Variants in MME observed in about 807,000 individuals in gnomAD.
MME encodes the protein neprilysin.
In MME, 98 loss-of-function variants were observed where a neutral mutation model predicts 113.2. The observed-to-expected ratio is 0.87, with a 90% CI of 0.74 to 1.02. The LOEUF is 1.02. Among genes scored for constraint, MME ranks in the 50% least tolerant of loss-of-function variants. The pLI, the probability that MME is intolerant of heterozygous loss-of-function variation, is 0.00. For synonymous variants in MME, 292 were observed against 300.6 expected (o/e 0.97, Z 0.30); for missense variants, 836 against 896.0 (o/e 0.93, Z 0.86).
At chr3:155,137,439 G>A (rs1720718446) in intron 8 of MME, among the ~76,000 whole-genome samples, 1 of 152,220 alleles carries the variant, frequency 6.6e-6, no homozygotes, top group Admixed American at 6.5e-5. Flanking sequence ...GAGCATGGTG[G>A]CTCACGCCTG....
intron 3 of MME, among the ~76,000 whole-genome samples, chr3:155,111,624 CAG>C (rs1423106904): frequency 1.3e-5 from 2 of 152,106 alleles, no homozygotes; most frequent in Admixed American, 6.6e-5. Context: ...CCTTTTTATT[CAG>C]AGTGTTTAAG....
At chr3:155,070,971 T>G (rs1248392829) in intron 1 of MME, among the ~76,000 whole-genome samples, 1 of 152,014 alleles carries the variant, frequency 6.6e-6, no homozygotes, top group Non-Finnish European at 1.5e-5. Flanking sequence ...GCCCCCAGAG[T>G]CAGGGCCACA....
In MME at chr3:155,147,148, T is replaced by C; in HGVS notation, c.1421T>C (p.Leu474Ser). 1 of 1,589,172 alleles carries C rather than the reference T, an allele frequency of 6.3e-7. No individual in the cohort carries two copies. Among genetic ancestry groups the C allele is most frequent in the South Asian group, 1.1e-5 (1 of 90,542 alleles). The stretch of plus-strand genomic sequence containing the variant: ...TCAATATTATAATTTTCATAGGCCT[T>C]AGCAATTAAAGAAAGGATCGGCTAT... ...ETKKRAEEKA[L>S]AIKERIGYPD... Residue 474 changes from leucine (L) to serine (S), a missense_variant, in exon 15 of 23, where the codon TTA becomes TCA. Physicochemically the swap from Leu to Ser is moderately radical, Grantham distance 145. Coordinates refer to ENST00000360490, the MANE Select transcript of MME (RefSeq NM_007289.4).
At chr3:155,086,996 T>G (rs537760229) in intron 3 of MME, among the ~76,000 whole-genome samples, 1,904 of 65,704 alleles carry the variant, frequency 0.029, 45 homozygotes, top group African/African-American at 0.093. Flanking sequence ...GTTTTTTTTG[T>G]TTTTTTTTGT....
At position 155,116,977 on chromosome 3, in the gene MME, T is replaced by C. The variant is rs768895540; in HGVS notation, c.645T>C (p.His215=). Residue 215 remains histidine (H), a synonymous_variant, in exon 7 of 23, where the codon CAT becomes CAC. Coordinates refer to ENST00000360490, the MANE Select transcript of MME (RefSeq NM_007289.4). ...CTGATGATAAGAATTCTGTGAATCA[T>C]GTAATTCATGTAAGTTTGTGTGTCA... ...VGTDDKNSVN[H]VIHIDQPRLG... is the part of the protein sequence containing the mutation. 25 of 1,529,356 alleles carry C rather than the reference T, an allele frequency of 1.6e-5. No individual in the cohort carries two copies. The highest frequency in any genetic ancestry group is 2.3e-5 in the Non-Finnish European group (25 of 1,103,826). The allele number at this position is 1,529,356 out of a possible 1,614,324, so 94.7% of individuals were successfully genotyped here. A position where few individuals can be genotyped will look rare whatever the true frequency, so the allele number is the denominator to read the frequency against.
At position 155,172,540 on chromosome 3, in the gene MME, G is replaced by A; in HGVS notation, c.2081G>A (p.Trp694Ter). 1 of 1,610,284 alleles carries A rather than the reference G, an allele frequency of 6.2e-7. No homozygotes were observed. The highest frequency in any genetic ancestry group is 8.5e-7 in the Non-Finnish European group (1 of 1,176,776). ...QLFFLNFAQV[W>*]CGTYRPEYAV... ...TTTTCCTATTCCTATCTCTAGGTGT[G>A]GTGTGGAACCTATAGGCCAGAGTAT... Residue 694 changes from tryptophan to a stop codon, truncating the protein, a stop_gained, in exon 22 of 23, where the codon TGG becomes TAG. Coordinates refer to ENST00000360490, the MANE Select transcript of MME (RefSeq NM_007289.4). LOFTEE classifies it high-confidence loss of function.
At chr3:155,104,349 A>G (rs912648031) in intron 3 of MME, among the ~76,000 whole-genome samples, 2 of 152,214 alleles carry the variant, frequency 1.3e-5, no homozygotes, top group Non-Finnish European at 2.9e-5. Flanking sequence ...CGTAAAAAAT[A>G]TAAACATATG....
chr3:155,117,126 T>C (rs1718690765), intron 7 of MME, 140 bp downstream of exon 7: 1 of 655,614 alleles, frequency 1.5e-6, no homozygotes, highest in African/African-American at 1.8e-5. Context: ...CCATGCTCTG[T>C]CCCTAATACC....
At position 155,160,484 on chromosome 3, in the gene MME, T is replaced by C. The variant is rs55662353; in HGVS notation, c.1660+36T>C. On this transcript the variant is annotated intron_variant, in intron 17 of 22. Coordinates refer to ENST00000360490, the MANE Select transcript of MME (RefSeq NM_007289.4). ...TTCTTAAATAATTATTTAATATTTC[T>C]CTATCGTTCCCAACCTGTAGTGCAT... 1.2e-3 allele frequency: 1,733 copies of C among 1,413,526 alleles called. 19 individuals carry two copies. The African/African-American group carries it at 0.022, about 18-fold the overall frequency. 87.6% of individuals were successfully genotyped at this position (1,413,526 alleles called of 1,614,324 possible).
At chr3:155,045,424 A>C (rs756319299) in intron 1 of MME, among the ~76,000 whole-genome samples, 16 of 152,060 alleles carry the variant, frequency 1.1e-4, no homozygotes, top group Non-Finnish European at 1.9e-4. Flanking sequence ...CTGGGATTAC[A>C]GGTGTGAGCC....
rs573473870 is a variant in MME, at chr3:155,063,864, C to T, written c.-10-20294C>T. ...CTGTTATGAACTGAACTGTTTTGCC[C>T]TCAAATTCATATGTTGAAGCCCTAA... On this transcript the variant is annotated intron_variant, in intron 1 of 22. Transcript: ENST00000492661. 2.0e-5 allele frequency among the ~76,000 whole-genome samples: 3 copies of T among 150,906 alleles called. No homozygotes were observed. In the East Asian group the frequency reaches 5.8e-4, roughly 29 times the overall value.
In MME at chr3:155,084,328, G is replaced by T; in HGVS notation, c.160+1G>T. 9 of 1,614,070 alleles carry T rather than the reference G, an allele frequency of 5.6e-6. No homozygotes were observed. The highest frequency in any genetic ancestry group is 7.6e-6 in the Non-Finnish European group (9 of 1,179,986). Reference sequence around the variant, plus strand: ...ATCGCACTCTATGCAACCTACGATGGTGAGTTACTCCCACACCTGTGCATC... The same window carrying T: ...ATCGCACTCTATGCAACCTACGATGTTGAGTTACTCCCACACCTGTGCATC... On this transcript the variant is annotated splice_donor_variant, in intron 2 of 22. Coordinates refer to ENST00000360490, the MANE Select transcript of MME (RefSeq NM_007289.4). LOFTEE classifies it high-confidence loss of function.
intron 3 of MME, among the ~76,000 whole-genome samples, chr3:155,111,518 T>G (rs1199870984): frequency 6.6e-6 from 1 of 152,222 alleles, no homozygotes; most frequent in East Asian, 1.9e-4. Context: ...GTAATTTAAC[T>G]GTACTTTTTG....
chr3:155,026,916 A>G (rs917769722), intron 1 of MME, among the ~76,000 whole-genome samples: 1 of 152,216 alleles, frequency 6.6e-6, no homozygotes, highest in African/African-American at 2.4e-5. Context: ...ACAAGAGTTT[A>G]CAATAGATTT....
At chr3:155,094,191 A>G (rs772256382) in intron 3 of MME, among the ~76,000 whole-genome samples, 6 of 152,220 alleles carry the variant, frequency 3.9e-5, no homozygotes, top group Non-Finnish European at 8.8e-5. Flanking sequence ...TTGGAAGCTT[A>G]CTGCTTCTTT....
At chr3:155,085,324 A>G (rs1167757890) in intron 3 of MME, 1 of 360,626 alleles carries the variant, frequency 2.8e-6, no homozygotes, top group East Asian at 4.5e-5. Context: ...ATAGCAGGGC[A>G]ATAGAAAACT....
upstream of MME, among the ~76,000 whole-genome samples, chr3:155,076,483 C>T (rs1479449122): frequency 6.6e-6 from 1 of 152,182 alleles, no homozygotes; most frequent in Non-Finnish European, 1.5e-5. Context: ...CTGTTTTCAG[C>T]ACTCACATAT....
At chr3:155,179,864 G>A (rs922075150) in intron 22 of MME, among the ~76,000 whole-genome samples, 8 of 152,016 alleles carry the variant, frequency 5.3e-5, no homozygotes, top group African/African-American at 1.9e-4. Flanking sequence ...CTCTATAAAA[G>A]CAACAAAAAA....
At position 155,116,693 on chromosome 3, in the gene MME, CT is replaced by C; in HGVS notation, c.470del (p.Leu157HisfsTer13). ...SAIDSRGGEPLLKLLPDIYGW... is the reference protein window; with the variant it reads ...SAIDSRGGEPXLKLLPDIYGW... ...TATTGATAGCAGAGGTGGAGAACCT[CT>C]ACTCAAACTGTTACCAGACATATAT... is the stretch of plus-strand genomic sequence containing the variant. On this transcript the variant is annotated frameshift_variant, in exon 6 of 23. Transcript: ENST00000360490. LOFTEE classifies it high-confidence loss of function. 6.2e-7 allele frequency: 1 copy of C among 1,613,162 alleles called. No homozygotes were observed. The highest frequency in any genetic ancestry group is 1.1e-5 in the South Asian group (1 of 90,954).
Sources: allele counts gnomAD v4.1 joint callset (sites outside exome capture counted in the v4.1 genomes callset), GRCh38; gene constraint gnomAD v4.1.1; transcripts MANE v1.5; gene names NCBI Gene and HGNC (gene_info 2026-07-23, HGNC 2026-07-21).